Variants in ADGRL3 observed in about 807,000 individuals in gnomAD.
The protein encoded by ADGRL3 is calcium-independent alpha-latrotoxin receptor 3.
Under a neutral mutation model 153.5 loss-of-function variants are expected in ADGRL3, and 62 were observed. That is an observed-to-expected ratio of 0.40 (90% CI 0.33 to 0.50). The LOEUF is 0.50. Among genes scored for constraint, ADGRL3 ranks in the 20% least tolerant of loss-of-function variants. The probability of loss-of-function intolerance (pLI) is 0.47; values close to 1 mark genes in which losing one functional copy is unlikely to be tolerated. For synonymous variants in ADGRL3, 710 were observed against 672.5 expected (o/e 1.06, Z -0.86); for missense variants, 1,641 against 1,859.4 (o/e 0.88, Z 2.16).
chr4:61,971,976 T>A (rs2099029649), intron 17 of ADGRL3, among the ~76,000 whole-genome samples: 1 of 152,140 alleles, frequency 6.6e-6, no homozygotes, highest in African/African-American at 2.4e-5. Context: ...TATCTGTTCA[T>A]ATCCTTTGCC....
intron 1 of ADGRL3, among the ~76,000 whole-genome samples, chr4:61,262,541 A>G (rs2092599063): frequency 6.6e-6 from 1 of 151,918 alleles, no homozygotes; most frequent in Non-Finnish European, 1.5e-5. Context: ...CGTATCTTTT[A>G]CTCACCCGGG....
chr4:62,042,244 A>G (rs867967090), intron 24 of ADGRL3, among the ~76,000 whole-genome samples: 2 of 151,950 alleles, frequency 1.3e-5, no homozygotes, highest in Non-Finnish European at 2.9e-5. Context: ...AATATTAGAC[A>G]TTAAATGGAT....
intron 5 of ADGRL3, among the ~76,000 whole-genome samples, chr4:61,626,160 A>G (rs2092817560): frequency 6.6e-6 from 1 of 151,974 alleles, no homozygotes; most frequent in African/African-American, 2.4e-5. Context: ...TTTTCATGTG[A>G]TTTAAGGATT....
intron 1 of ADGRL3, among the ~76,000 whole-genome samples, chr4:61,271,304 A>T (rs1391129162): frequency 1.3e-5 from 2 of 151,964 alleles, no homozygotes; most frequent in African/African-American, 4.8e-5. Flanking sequence ...CAAATGTCTC[A>T]TCTCACATGA....
chr4:61,876,742 A>G (rs561003297), intron 9 of ADGRL3, among the ~76,000 whole-genome samples: 69 of 150,026 alleles, frequency 4.6e-4, no homozygotes, highest in African/African-American at 1.6e-3. Context: ...TAAAAAAAAT[A>G]AAATAAAATA....
At chr4:61,669,732 T>C (rs2094927673) in intron 5 of ADGRL3, among the ~76,000 whole-genome samples, 1 of 152,224 alleles carries the variant, frequency 6.6e-6, no homozygotes, top group Non-Finnish European at 1.5e-5. Context: ...TAAGTGCTAA[T>C]ATAAACTCAT....
intron 1 of ADGRL3, among the ~76,000 whole-genome samples, chr4:61,376,578 T>G (rs1464927910): frequency 6.6e-6 from 1 of 152,104 alleles, no homozygotes; most frequent in Non-Finnish European, 1.5e-5. Flanking sequence ...CCCCAGGTCA[T>G]TAGTCCATCT....
intron 1 of ADGRL3, among the ~76,000 whole-genome samples, chr4:61,359,927 T>C (rs1025372315): frequency 6.6e-6 from 1 of 151,736 alleles, no homozygotes; most frequent in African/African-American, 2.4e-5. Flanking sequence ...TATGATGATG[T>C]TATTGATTTT....
At chr4:61,648,127 A>G (rs1257977517) in intron 5 of ADGRL3, among the ~76,000 whole-genome samples, 1 of 152,106 alleles carries the variant, frequency 6.6e-6, no homozygotes, top group African/African-American at 2.4e-5. Context: ...TCAATTCCAT[A>G]TGTGCTAATC....
intron 5 of ADGRL3, among the ~76,000 whole-genome samples, chr4:61,635,625 T>G (rs1242607696): frequency 6.6e-6 from 1 of 152,134 alleles, no homozygotes; most frequent in African/African-American, 2.4e-5. Flanking sequence ...CATGGTGAAC[T>G]GAATTTACTT....
intron 23 of ADGRL3, among the ~76,000 whole-genome samples, chr4:62,037,078 C>A (rs1725428183): frequency 6.6e-6 from 1 of 151,996 alleles, no homozygotes; most frequent in African/African-American, 2.4e-5. Context: ...TTGAGTAGAA[C>A]TATTTTGAAG....
chr4:61,489,938 A>T (rs1220002629), intron 2 of ADGRL3, among the ~76,000 whole-genome samples: 1 of 152,078 alleles, frequency 6.6e-6, no homozygotes, highest in Admixed American at 6.6e-5. Flanking sequence ...TATAAATTTC[A>T]TGATTTGCAA....
intron 25 of ADGRL3, among the ~76,000 whole-genome samples, chr4:62,065,307 T>G (rs1479891279): frequency 6.6e-6 from 1 of 152,060 alleles, no homozygotes; most frequent in African/African-American, 2.4e-5. Context: ...GTCTTTCTTC[T>G]TGGTTACTCC....
intron 4 of ADGRL3, among the ~76,000 whole-genome samples, chr4:61,567,537 C>G (rs1390089762): frequency 6.6e-6 from 1 of 152,150 alleles, no homozygotes. Flanking sequence ...AAGGGGTCCT[C>G]ACTAGACACC....
At chr4:61,336,542 G>T (rs1012174690) in intron 1 of ADGRL3, among the ~76,000 whole-genome samples, 5 of 152,124 alleles carry the variant, frequency 3.3e-5, no homozygotes, top group African/African-American at 9.7e-5. Flanking sequence ...GAGCATGGAG[G>T]TTACAGGTTA....
At chr4:61,253,255 T>C (rs2091631870) in intron 1 of ADGRL3, among the ~76,000 whole-genome samples, 5 of 152,344 alleles carry the variant, frequency 3.3e-5, no homozygotes, top group Admixed American at 2.6e-4. Flanking sequence ...TTCTGACTCA[T>C]GCACAAGATT....
At chr4:61,331,522 T>C (rs968917386) in intron 1 of ADGRL3, among the ~76,000 whole-genome samples, 1 of 152,198 alleles carries the variant, frequency 6.6e-6, no homozygotes, top group South Asian at 2.1e-4. Flanking sequence ...TTTTCTATTA[T>C]CATGTTTGCT....
intron 1 of ADGRL3, among the ~76,000 whole-genome samples, chr4:61,321,637 G>A (rs2095358208): frequency 6.6e-6 from 1 of 150,474 alleles, no homozygotes; most frequent in Non-Finnish European, 1.5e-5. Flanking sequence ...GTTGCTCCTA[G>A]ACTACAAATC....
At chr4:61,972,786 A>G (rs2099033753) in intron 17 of ADGRL3, among the ~76,000 whole-genome samples, 1 of 152,152 alleles carries the variant, frequency 6.6e-6, no homozygotes, top group Admixed American at 6.6e-5. Flanking sequence ...CTTCCTACCC[A>G]TGAGCATGGA....
Sources: gnomAD v4.1 joint callset for allele counts (sites outside exome capture counted in the v4.1 genomes callset) on GRCh38, gnomAD v4.1.1 for gene constraint, MANE v1.5 for transcripts, NCBI Gene and HGNC (gene_info 2026-07-23, HGNC 2026-07-21) for gene names.